TRPM3: variants seen among roughly 807,000 people sequenced by gnomAD.
TRPM3 encodes the protein long transient receptor potential channel 3.
A neutral mutation model predicts 181.2 loss-of-function variants in TRPM3; 77 were observed. The ratio of observed to expected loss-of-function variants is 0.42; its 90% CI spans 0.35 to 0.51. The LOEUF (loss-of-function observed/expected upper bound fraction) is 0.51. TRPM3 is among the 20% of genes least tolerant of loss of function. TRPM3 has a pLI of 0.01. For synonymous variants in TRPM3, 745 were observed against 796.4 expected (o/e 0.94, Z 1.09); for missense variants, 1,759 against 2,196.7 (o/e 0.80, Z 3.98).
chr9:70,654,990 C>T (rs2060105863), intron 9 of TRPM3, among the ~76,000 whole-genome samples: 1 of 150,968 alleles, frequency 6.6e-6, no homozygotes, highest in Non-Finnish European at 1.5e-5. Context: ...TTTTACGGCA[C>T]TTCTACCTGC....
At chr9:71,038,712 AC>A (rs1352910391) in intron 1 of TRPM3, among the ~76,000 whole-genome samples, 1 of 152,166 alleles carries the variant, frequency 6.6e-6, no homozygotes, top group Admixed American at 6.5e-5. Flanking sequence ...GCCTTATGGA[AC>A]TTACAGTCCA....
At chr9:70,676,429 C>T (rs369774133) in intron 9 of TRPM3, among the ~76,000 whole-genome samples, 4 of 152,104 alleles carry the variant, frequency 2.6e-5, no homozygotes, top group Non-Finnish European at 4.4e-5. Flanking sequence ...ATATTTTCTG[C>T]GGTTTTGGAG....
intron 3 of TRPM3, among the ~76,000 whole-genome samples, chr9:70,852,988 G>T (rs10868911): frequency 0.36 from 55,028 of 151,894 alleles, 10,371 homozygotes; most frequent in Non-Finnish European, 0.38. Flanking sequence ...TTTTCCCATG[G>T]GTCAATTTTA....
At chr9:70,892,379 G>A (rs901533907) in intron 1 of TRPM3, among the ~76,000 whole-genome samples, 1 of 151,994 alleles carries the variant, frequency 6.6e-6, no homozygotes, top group African/African-American at 2.4e-5. Flanking sequence ...CTCTAGATCA[G>A]CACTTCTTTG....
chr9:71,300,151 G>A (rs1409508256), intron 1 of TRPM3, among the ~76,000 whole-genome samples: 2 of 152,068 alleles, frequency 1.3e-5, no homozygotes, highest in African/African-American at 4.8e-5. Context: ...GTCTATAATG[G>A]TGAAATAGTA....
chr9:71,080,886 T>A (rs2064206538), intron 1 of TRPM3, among the ~76,000 whole-genome samples: 1 of 152,210 alleles, frequency 6.6e-6, no homozygotes, highest in Non-Finnish European at 1.5e-5. Flanking sequence ...GTGTACACAG[T>A]AAGCATGAAC....
intron 12 of TRPM3, among the ~76,000 whole-genome samples, chr9:70,630,041 T>C (rs1452845634): frequency 6.6e-6 from 1 of 152,180 alleles, no homozygotes; most frequent in Non-Finnish European, 1.5e-5. Flanking sequence ...CACTGGGACC[T>C]GTGGATGTCA....
intron 1 of TRPM3, among the ~76,000 whole-genome samples, chr9:71,300,895 A>G (rs2086708594): frequency 6.6e-6 from 1 of 152,110 alleles, no homozygotes; most frequent in African/African-American, 2.4e-5. Flanking sequence ...CTCAGGACCA[A>G]ATTGGATCCT....
chr9:71,298,177 G>T (rs2086458193), intron 1 of TRPM3, among the ~76,000 whole-genome samples: 2 of 152,048 alleles, frequency 1.3e-5, no homozygotes, highest in South Asian at 4.1e-4. Context: ...CTTTAATGGG[G>T]TGTCACTATA....
intron 1 of TRPM3, among the ~76,000 whole-genome samples, chr9:71,244,292 GC>G (rs1281459899): frequency 6.6e-6 from 1 of 152,116 alleles, no homozygotes; most frequent in Non-Finnish European, 1.5e-5. Flanking sequence ...GGGGTCGGGA[GC>G]TGGGGTCCCT....
At chr9:71,095,758 CAAAAAAAA>C (rs34934062) in intron 1 of TRPM3, among the ~76,000 whole-genome samples, 14 of 85,310 alleles carry the variant, frequency 1.6e-4, no homozygotes, top group Non-Finnish European at 2.1e-4. Context: ...GACTCTGTGT[CAAAAAAAA>C]AAAAAAAAAA....
chr9:70,608,932 A>C (rs2061607852), intron 19 of TRPM3, among the ~76,000 whole-genome samples: 1 of 152,212 alleles, frequency 6.6e-6, no homozygotes, highest in African/African-American at 2.4e-5. Context: ...CAAACTTAGT[A>C]GGTGCTCAAT....
intron 1 of TRPM3, among the ~76,000 whole-genome samples, chr9:71,276,380 T>C (rs990224593): frequency 2.6e-5 from 4 of 151,924 alleles, no homozygotes; most frequent in Non-Finnish European, 5.9e-5. Flanking sequence ...ACTTCTATCC[T>C]CAAAAGCCAT....
At chr9:70,770,952 C>T (rs1012902613) in intron 7 of TRPM3, among the ~76,000 whole-genome samples, 5 of 152,066 alleles carry the variant, frequency 3.3e-5, no homozygotes, top group Admixed American at 3.3e-4. Context: ...CTATGAAATT[C>T]GGATGAAGTA....
chr9:71,308,851 T>C (rs1440364142), intron 1 of TRPM3, among the ~76,000 whole-genome samples: 3 of 151,968 alleles, frequency 2.0e-5, no homozygotes, highest in Admixed American at 6.6e-5. Context: ...GGGTCTTGCA[T>C]TGACATTAAA....
intron 1 of TRPM3, among the ~76,000 whole-genome samples, chr9:71,209,886 G>A (rs1341209726): frequency 1.3e-5 from 2 of 152,302 alleles, no homozygotes; most frequent in South Asian, 2.1e-4. Context: ...TGGCAGAATT[G>A]AGACCTTGTA....
At chr9:71,021,184 T>C (rs562660670) in intron 1 of TRPM3, among the ~76,000 whole-genome samples, 10 of 152,120 alleles carry the variant, frequency 6.6e-5, no homozygotes, top group Non-Finnish European at 1.3e-4. Context: ...AAAACAAATA[T>C]GTAGTGTTTG....
intron 1 of TRPM3, among the ~76,000 whole-genome samples, chr9:71,178,257 A>G (rs1179813509): frequency 1.3e-5 from 2 of 152,158 alleles, no homozygotes; most frequent in African/African-American, 4.8e-5. Context: ...GAAATAGAGC[A>G]TATTACAGAA....
chr9:70,939,703 G>A (rs2096866516), intron 1 of TRPM3, among the ~76,000 whole-genome samples: 3 of 152,192 alleles, frequency 2.0e-5, no homozygotes, highest in Admixed American at 2.0e-4. Flanking sequence ...CTTTTGAATT[G>A]AGTGCTGAAT....
Sources: allele counts gnomAD v4.1 joint callset (sites outside exome capture counted in the v4.1 genomes callset), GRCh38; gene constraint gnomAD v4.1.1; transcripts MANE v1.5; gene names NCBI Gene and HGNC (gene_info 2026-07-23, HGNC 2026-07-21).